The following FCRL1 variants were observed in gnomAD, a reference collection of about 807,000 sequenced individuals.
FCRL1 encodes the protein Fc receptor like 1, also known as Fc receptor-like protein 1.
FCRL1 carries 34 observed loss-of-function variants against 49.2 expected under a neutral mutation model. The observed-to-expected ratio is 0.69, with a 90% confidence interval of 0.53 to 0.92. The LOEUF is 0.92. Among genes scored for constraint, FCRL1 ranks in the 40% least tolerant of loss-of-function variants. FCRL1 has a pLI of 0.00. For missense variants in FCRL1, 524 were observed against 524.1 expected (o/e 1.00, Z 0.00); for synonymous variants, 218 against 201.6 (o/e 1.08, Z -0.69).
chr1:157,819,867 C>T, intron 1 of FCRL1, 140 bp downstream of exon 1: 2 of 923,016 alleles, frequency 2.2e-6, no homozygotes, highest in Non-Finnish European at 3.4e-6. Context: ...TGACTCTGAG[C>T]CCTCCGTGGA....
intron 9 of FCRL1, among the ~76,000 whole-genome samples, chr1:157,797,345 CTCTA>C (rs778118395): frequency 1.3e-5 from 2 of 152,142 alleles, no homozygotes; most frequent in Non-Finnish European, 1.5e-5. Context: ...TAAGTAGACC[CTCTA>C]TGCCAGGAGG....
Position 157,801,934 on chromosome 1 carries a change from C to G in FCRL1, c.867G>C (p.Ala289=), listed in dbSNP as rs763016240. 1 of 1,613,436 alleles carries G rather than the reference C, an allele frequency of 6.2e-7. No homozygotes were observed. Among genetic ancestry groups the G allele is most frequent in the East Asian group, 2.2e-5 (1 of 44,890 alleles). The part of the protein sequence containing the change: ...NNGLGAQRSE[A]VTLNFTVPTG... ...CTATACCTGTGAAGTTGAGTGTCAC[C>G]GCCTCACTGCGCTGGGCCCCCAGGC... The change falls in exon 5 of 11, where the codon GCG becomes GCC. Residue 289 remains alanine (A), a synonymous_variant. Coordinates refer to ENST00000368176, the MANE Select transcript of FCRL1 (RefSeq NM_052938.5).
chr1:157,814,938 G>A (rs999012358), intron 1 of FCRL1, among the ~76,000 whole-genome samples: 3 of 151,858 alleles, frequency 2.0e-5, no homozygotes. Context: ...TCCAACACTA[G>A]AGCACCCAAA....
chr1:157,796,496 C>T (rs1288227022), intron 10 of FCRL1, among the ~76,000 whole-genome samples: 1 of 152,196 alleles, frequency 6.6e-6, no homozygotes, highest in Non-Finnish European at 1.5e-5. Flanking sequence ...TTAAATGTAG[C>T]ATGTCACTGG....
chr1:157,801,771 C>G (rs998170512), intron 5 of FCRL1, 144 bp downstream of exon 5: 4 of 1,014,986 alleles, frequency 3.9e-6, no homozygotes, highest in Non-Finnish European at 5.8e-6. Context: ...CCATGCCCCT[C>G]CAATACATCA....
chr1:157,807,178 A>C, intron 1 of FCRL1, 56 bp from the exon 2 acceptor site: 3 of 1,594,324 alleles, frequency 1.9e-6, no homozygotes, highest in Non-Finnish European at 2.6e-6. Flanking sequence ...CAAATCTCCA[A>C]AGTTTAAATC....
intron 1 of FCRL1, among the ~76,000 whole-genome samples, chr1:157,815,008 A>T (rs1654835050): frequency 6.6e-6 from 1 of 151,982 alleles, no homozygotes; most frequent in Non-Finnish European, 1.5e-5. Flanking sequence ...TAATAATAGT[A>T]GGGGACTTTA....
chr1:157,796,264 G>A, intron 10 of FCRL1, 94 bp from the exon 11 acceptor site: 1 of 997,424 alleles, frequency 1.0e-6, no homozygotes, highest in Non-Finnish European at 1.6e-6. Context: ...ATCTTATCAT[G>A]GCACATCACG....
chr1:157,805,191 T>C (rs988749046), intron 2 of FCRL1, among the ~76,000 whole-genome samples: 1 of 152,050 alleles, frequency 6.6e-6, no homozygotes, highest in African/African-American at 2.4e-5. Context: ...GATGATAAAA[T>C]TGTGCTCTGC....
At chr1:157,803,761 G>T in intron 3 of FCRL1, 84 bp downstream of exon 3, 1 of 1,509,046 alleles carries the variant, frequency 6.6e-7, no homozygotes, top group Non-Finnish European at 9.0e-7. Context: ...CTCTTGCAGA[G>T]ATAGAACCCA....
At chr1:157,817,256 C>T (rs1279467416) in intron 1 of FCRL1, among the ~76,000 whole-genome samples, 1 of 120,478 alleles carries the variant, frequency 8.3e-6, no homozygotes, top group Non-Finnish European at 1.8e-5. Flanking sequence ...ATTATACTAC[C>T]TGACTTCAAA....
chr1:157,801,882 T>C lies in FCRL1; in HGVS notation c.886+33A>G, dbSNP rs79573852. The C allele has an allele frequency of 2.7e-3, 4,228 of 1,579,666 alleles. 93 individuals carry two copies. In the African/African-American group the frequency reaches 0.051, roughly 19 times the overall value. ...CTCCCAGGACGCTGGGAAGGAGACATTGACCAAGACAGTTCCATAGCCTGA... is the reference window on the plus strand; with the variant it reads ...CTCCCAGGACGCTGGGAAGGAGACACTGACCAAGACAGTTCCATAGCCTGA... On this transcript the variant is annotated intron_variant, in intron 5 of 10. Coordinates refer to ENST00000368176, the MANE Select transcript of FCRL1 (RefSeq NM_052938.5).
chr1:157,797,101 C>T lies in FCRL1; in HGVS notation c.1218G>A (p.Lys406=), dbSNP rs1306297159. The change falls in exon 10 of 11, where the codon AAG becomes AAA. Residue 406 remains lysine, a splice_region_variant and synonymous_variant. Transcript: ENST00000368176. ...AAGAAAGAACAATAGAGACTCTTAC[C>T]TTGTCCTCCATATGTGTCCCCAGGG... is the stretch of plus-strand genomic sequence containing the variant. ...AETLGTHMED[K]VSLDIYSRLR... The T allele has an allele frequency of 3.1e-6, 5 of 1,613,604 alleles. No individual in the cohort carries two copies. The highest frequency in any genetic ancestry group is 2.2e-5 in the South Asian group (2 of 91,076).
intron 7 of FCRL1, 75 bp downstream of exon 7, chr1:157,799,981 GGA>G: frequency 3.6e-6 from 5 of 1,405,690 alleles, no homozygotes; most frequent in East Asian, 2.5e-5. Flanking sequence ...AAAATGCTCA[GGA>G]GAGAACAAAT....
intron 1 of FCRL1, among the ~76,000 whole-genome samples, chr1:157,810,418 T>G (rs1484344836): frequency 6.6e-6 from 1 of 151,864 alleles, no homozygotes; most frequent in Non-Finnish European, 1.5e-5. Context: ...TGCCTCAGCC[T>G]CCTGAGTAGC....
In FCRL1 at chr1:157,794,879, GATCT is replaced by G. The variant is rs1371074855; in HGVS notation, c.*1216_*1219del. On this transcript the variant is annotated 3_prime_UTR_variant, in exon 11 of 11. Coordinates refer to ENST00000368176, the MANE Select transcript of FCRL1 (RefSeq NM_052938.5). ...TAGAGACTTTTAAAATAGTATAATA[GATCT>G]ATTTACAGATTTGAAAGTATTTCAT... 2.0e-5 allele frequency: 3 copies of G among 152,024 alleles called. No individual in the cohort carries two copies. Among genetic ancestry groups the G allele is most frequent in the Non-Finnish European group, 4.4e-5 (3 of 68,000 alleles). The allele number at this position is 152,024 out of a possible 1,614,324, so 9.4% of individuals were successfully genotyped here. A position where few individuals can be genotyped will look rare whatever the true frequency, so the allele number is the denominator to read the frequency against.
chr1:157,804,035 T>C lies in FCRL1; in HGVS notation c.129A>G (p.Leu43=), dbSNP rs1652973157. 2.5e-6 allele frequency: 4 copies of C among 1,614,178 alleles called. No homozygotes were observed. The highest frequency in any genetic ancestry group is 3.4e-6 in the Non-Finnish European group (4 of 1,180,044). The part of the protein sequence containing the change: ...PVTLTCKMPF[L]QSSDAQFQFC... ...ACTGGAACTGGGCATCTGAACTCTG[T>C]AGAAAGGGCATCTTACACGTCAGGG... is the stretch of plus-strand genomic sequence containing the variant. The change falls in exon 3 of 11, where the codon CTA becomes CTG. Residue 43 remains leucine, a synonymous_variant. Coordinates refer to ENST00000368176, the MANE Select transcript of FCRL1 (RefSeq NM_052938.5).
chr1:157,810,263 G>A (rs1016511396), intron 1 of FCRL1, among the ~76,000 whole-genome samples: 4 of 151,430 alleles, frequency 2.6e-5, no homozygotes, highest in Non-Finnish European at 4.4e-5. Flanking sequence ...GACCATAAAA[G>A]GGAGTGAGGG....
At chr1:157,813,072 A>C (rs1481220439) in intron 1 of FCRL1, among the ~76,000 whole-genome samples, 2 of 152,110 alleles carry the variant, frequency 1.3e-5, no homozygotes, top group Non-Finnish European at 2.9e-5. Flanking sequence ...TTCCTAAACT[A>C]AGGATCCATC....
Sources: gnomAD v4.1 joint callset for allele counts (sites outside exome capture counted in the v4.1 genomes callset) on GRCh38, gnomAD v4.1.1 for gene constraint, MANE v1.5 for transcripts, NCBI Gene and HGNC (gene_info 2026-07-23, HGNC 2026-07-21) for gene names.